Variants in NSD1 observed in about 807,000 individuals in gnomAD.
NSD1 encodes the protein histone-lysine N-methyltransferase, H3 lysine-36 specific.
NSD1 carries 26 observed loss-of-function variants against 242.7 expected under a neutral mutation model. The ratio of observed to expected loss-of-function variants is 0.11; its 90% CI spans 0.08 to 0.15. The LOEUF is 0.15. NSD1 is among the 10% of genes least tolerant of loss of function. The pLI, the probability that NSD1 is intolerant of heterozygous loss-of-function variation, is 1.00. For synonymous variants in NSD1, 1,106 were observed against 1,178.1 expected (o/e 0.94, Z 1.25); for missense variants, 2,495 against 3,272.8 (o/e 0.76, Z 5.80).
chr5:177,192,066 A>G (rs373105247), intron 3 of NSD1, 47 bp downstream of exon 3: 2 of 1,543,360 alleles, frequency 1.3e-6, no homozygotes, highest in Non-Finnish European at 8.9e-7. Flanking sequence ...TGCCTTTAGA[A>G]TAACTCAATT....
intron 4 of NSD1, among the ~76,000 whole-genome samples, chr5:177,206,103 G>A (rs1762849607): frequency 6.6e-6 from 1 of 151,990 alleles, no homozygotes; most frequent in Admixed American, 6.6e-5. Context: ...GGGTTCAGGC[G>A]ATTCTCATGC....
At chr5:177,279,213 G>A (rs1758638974) in intron 17 of NSD1, among the ~76,000 whole-genome samples, 2 of 152,162 alleles carry the variant, frequency 1.3e-5, no homozygotes, top group South Asian at 2.1e-4. Flanking sequence ...CAGGTGTGGT[G>A]GCTCACACCT....
intron 2 of NSD1, among the ~76,000 whole-genome samples, chr5:177,172,827 G>A (rs1759824766): frequency 6.6e-6 from 1 of 151,694 alleles, no homozygotes; most frequent in East Asian, 1.9e-4. Context: ...TGGGCATGGT[G>A]GTACATACCT....
chr5:177,248,689 A>G (rs1766490286), intron 11 of NSD1, among the ~76,000 whole-genome samples: 1 of 152,124 alleles, frequency 6.6e-6, no homozygotes, highest in African/African-American at 2.4e-5. Flanking sequence ...TTTAGCTTTG[A>G]GATGTTTTTC....
chr5:177,138,084 A>AAAC (rs200258465), intron 2 of NSD1, among the ~76,000 whole-genome samples: 1 of 143,442 alleles, frequency 7.0e-6, no homozygotes, highest in Non-Finnish European at 1.5e-5. Context: ...TCAAAAAAAA[A>AAAC]AACAACAAAA....
Position 177,280,612 on chromosome 5 carries a change from T to C in NSD1, c.5670T>C (p.Ser1890=), listed in dbSNP as rs1443198701. The change falls in exon 18 of 23, where the codon TCT becomes TCC. Residue 1890 remains serine (S), a synonymous_variant. Transcript: ENST00000439151. ...GRVQIFTADL[S]EIPRCNCKAT... is the part of the protein sequence containing the mutation. The stretch of plus-strand genomic sequence containing the variant: ...TACAGATCTTCACTGCAGACTTATC[T>C]GAAATACCCCGTTGCAACTGTAAAG... 6.2e-7 allele frequency: 1 copy of C among 1,614,114 alleles called. No individual in the cohort carries two copies. The highest frequency in any genetic ancestry group is 1.3e-5 in the African/African-American group (1 of 74,940).
chr5:177,285,866 C>T (rs745381104), intron 20 of NSD1, among the ~76,000 whole-genome samples: 47 of 152,114 alleles, frequency 3.1e-4, no homozygotes, highest in Non-Finnish European at 5.4e-4. Context: ...GATATTTGTT[C>T]AGATCTTAGT....
At chr5:177,261,039 G>A (rs1265370789) in intron 14 of NSD1, among the ~76,000 whole-genome samples, 3 of 152,086 alleles carry the variant, frequency 2.0e-5, no homozygotes, top group South Asian at 2.1e-4. Context: ...AAGAGATCAC[G>A]TAGAGGAAAG....
intron 14 of NSD1, among the ~76,000 whole-genome samples, 162 bp downstream of exon 14, chr5:177,260,330 A>G (rs1051003020): frequency 1.3e-5 from 2 of 149,406 alleles, no homozygotes; most frequent in African/African-American, 4.9e-5. Flanking sequence ...TAATGATTAC[A>G]TAGCAGAACT....
intron 7 of NSD1, among the ~76,000 whole-genome samples, chr5:177,239,144 A>G (rs1765663334): frequency 6.6e-6 from 1 of 152,202 alleles, no homozygotes. Context: ...TTTTGGATAT[A>G]ACTTTTTTAC....
rs762743247 is a variant in NSD1, at chr5:177,251,859, G to A, written c.4765+6G>A. ...CTGCAATGAATGTCGCACAGGTAAAGTAGATATCGAACGGTCTTCCTCCAA... is the reference window on the plus strand; with the variant it reads ...CTGCAATGAATGTCGCACAGGTAAAATAGATATCGAACGGTCTTCCTCCAA... On this transcript the variant is annotated splice_donor_region_variant and intron_variant, in intron 12 of 22. Transcript: ENST00000439151. The A allele has an allele frequency of 6.2e-7, 1 of 1,614,212 alleles. No individual in the cohort carries two copies. The highest frequency in any genetic ancestry group is 8.5e-7 in the Non-Finnish European group (1 of 1,180,016).
At chr5:177,180,030 A>T (rs1418488326) in intron 2 of NSD1, among the ~76,000 whole-genome samples, 1 of 151,910 alleles carries the variant, frequency 6.6e-6, no homozygotes, top group Admixed American at 6.6e-5. Context: ...CCTCCTGGGT[A>T]GCTGGGATTA....
rs58813409 is a variant in NSD1, at chr5:177,206,914, G to T, written c.1236+2622G>T. 3.7e-3 allele frequency among the ~76,000 whole-genome samples: 563 copies of T among 151,090 alleles called. 3 individuals carry two copies. The highest frequency in any genetic ancestry group is 0.013 in the African/African-American group (525 of 41,382). Reference sequence around the variant, plus strand: ...CCGTTTGATCCTTTCTTTAAGAGGAGGCTACTCCTCTAGTTACCCTAATTT... The same window carrying T: ...CCGTTTGATCCTTTCTTTAAGAGGATGCTACTCCTCTAGTTACCCTAATTT... On this transcript the variant is annotated intron_variant, in intron 4 of 22. Transcript: ENST00000439151.
chr5:177,269,862 T>A lies in NSD1; in HGVS notation c.5509+55T>A. ...AACACAGACCTCTGTTACCTGAGTGTCTGATCTGTTTTAGAATTCACATAT... is the reference window on the plus strand; with the variant it reads ...AACACAGACCTCTGTTACCTGAGTGACTGATCTGTTTTAGAATTCACATAT... On this transcript the variant is annotated intron_variant, in intron 16 of 22. Coordinates refer to ENST00000439151, the MANE Select transcript of NSD1 (RefSeq NM_022455.5). The surrounding 1 kb of genome is among the most constrained non-coding windows in gnomAD (Gnocchi z 5.1). The A allele has an allele frequency of 1.4e-6, 2 of 1,463,154 alleles. No homozygotes were observed. The highest frequency in any genetic ancestry group is 2.5e-5 in the South Asian group (2 of 79,976). 90.6% of individuals were successfully genotyped at this position (1,463,154 alleles called of 1,614,324 possible). A position where few individuals can be genotyped will look rare whatever the true frequency, so the allele number is the denominator to read the frequency against.
chr5:177,151,379 G>C (rs1216263004), intron 2 of NSD1, among the ~76,000 whole-genome samples: 3 of 151,936 alleles, frequency 2.0e-5, no homozygotes, highest in Admixed American at 2.0e-4. Flanking sequence ...GCGAGACTCA[G>C]TCTTTTTTAT....
intron 2 of NSD1, among the ~76,000 whole-genome samples, chr5:177,145,927 T>C (rs1581121267): frequency 1.9e-5 from 2 of 102,752 alleles, no homozygotes; most frequent in Admixed American, 9.6e-5. Flanking sequence ...AAAAAAAAAA[T>C]CAGGAAATTC....
At position 177,283,973 on chromosome 5, in the gene NSD1, G is replaced by A. The variant is rs774738247; in HGVS notation, c.6151+45G>A. 6 of 1,611,814 alleles carry A rather than the reference G, an allele frequency of 3.7e-6. No individual in the cohort carries two copies. In the African/African-American group the frequency reaches 4.0e-5, roughly 11 times the overall value. On this transcript the variant is annotated intron_variant, in intron 20 of 22. Transcript: ENST00000439151. ...TCTGCAGCTGACATCTGAATTTCAG[G>A]GCTTTTGTTTTTTACAAACAGCTTC...
At chr5:177,188,801 T>G (rs1761443093) in intron 2 of NSD1, among the ~76,000 whole-genome samples, 1 of 152,136 alleles carries the variant, frequency 6.6e-6, no homozygotes, top group Non-Finnish European at 1.5e-5. Flanking sequence ...CTAGCATAAT[T>G]TTTTTAAACA....
intron 12 of NSD1, among the ~76,000 whole-genome samples, chr5:177,255,630 T>A (rs1015392745): frequency 1.3e-5 from 2 of 152,182 alleles, no homozygotes; most frequent in African/African-American, 4.8e-5. Flanking sequence ...TGGCCCAGGC[T>A]GGAGTTCGGT....
Sources: allele counts gnomAD v4.1 joint callset (sites outside exome capture counted in the v4.1 genomes callset), GRCh38; gene constraint gnomAD v4.1.1; non-coding constraint Gnocchi (gnomAD v3.1); transcripts MANE v1.5; gene names NCBI Gene and HGNC (gene_info 2026-07-23, HGNC 2026-07-21).